RHPN2: variants seen among roughly 807,000 people sequenced by gnomAD.
RHPN2 encodes the protein rhophilin Rho GTPase binding protein 2.
Under a neutral mutation model 79.0 loss-of-function variants are expected in RHPN2, and 40 were observed. That is an observed-to-expected ratio of 0.51 (90% CI 0.39 to 0.66). RHPN2 has a LOEUF of 0.66. Ranked by LOEUF, RHPN2 falls within the 30% of genes least tolerant of loss-of-function variation. The pLI, the probability that RHPN2 is intolerant of heterozygous loss-of-function variation, is 0.00. For missense variants in RHPN2, 686 were observed against 883.5 expected (o/e 0.78, Z 2.83); for synonymous variants, 285 against 363.5 (o/e 0.78, Z 2.46).
At position 33,002,377 on chromosome 19, in the gene RHPN2, G is replaced by A. The variant is rs200381045; in HGVS notation, c.975C>T (p.His325=). The change falls in exon 9 of 15, where the codon CAC becomes CAT. Residue 325 remains histidine (H), a synonymous_variant. Transcript: ENST00000254260. ...TCACCGGCGCCTGGCTCATGGCTGC[G>A]TGTAGCTGTTGGTAGACCTCTCCCA... The part of the protein sequence containing the change: ...AKVGEVYQQL[H]AAMSQAPVKE... The A allele has an allele frequency of 1.4e-5, 22 of 1,613,928 alleles. No individual in the cohort carries two copies. Among genetic ancestry groups the A allele is most frequent in the Admixed American group, 8.3e-5 (5 of 60,004 alleles).
chr19:32,980,361 A>G (rs1971564876), intron 14 of RHPN2, 105 bp from the exon 15 acceptor site: 3 of 1,341,190 alleles, frequency 2.2e-6, no homozygotes, highest in East Asian at 2.3e-5. Context: ...TAATCCCAAC[A>G]GTTTGGGAGG....
chr19:33,029,923 C>T (rs751555474), intron 2 of RHPN2, among the ~76,000 whole-genome samples: 23 of 152,202 alleles, frequency 1.5e-4, no homozygotes, highest in Non-Finnish European at 3.1e-4. Flanking sequence ...ACGTAAAATG[C>T]CATCTACCAG....
At chr19:33,052,121 AAAAT>A (rs1972193852) in intron 1 of RHPN2, among the ~76,000 whole-genome samples, 2 of 152,150 alleles carry the variant, frequency 1.3e-5, no homozygotes, top group Admixed American at 1.3e-4. Flanking sequence ...AGTTAAAAAA[AAAAT>A]ATAAAACTGG....
At chr19:32,998,701 G>GGAGAGA (rs3991890) in intron 10 of RHPN2, among the ~76,000 whole-genome samples, 1 of 140,142 alleles carries the variant, frequency 7.1e-6, no homozygotes, top group Non-Finnish European at 1.5e-5. Context: ...TAGATGGGGA[G>GGAGAGA]GAGAGAGAGA....
At chr19:33,016,280 T>C (rs987673625) in intron 4 of RHPN2, among the ~76,000 whole-genome samples, 5 of 152,016 alleles carry the variant, frequency 3.3e-5, no homozygotes, top group East Asian at 1.9e-4. Flanking sequence ...GGCTCAATCA[T>C]AGCTGACTGC....
chr19:33,058,849 C>T (rs1972255649), intron 1 of RHPN2, among the ~76,000 whole-genome samples: 1 of 152,120 alleles, frequency 6.6e-6, no homozygotes, highest in South Asian at 2.1e-4. Context: ...ATAATCCCAG[C>T]ACTTTGGGAG....
chr19:33,062,608 A>C (rs2145277392), intron 1 of RHPN2, among the ~76,000 whole-genome samples: 1 of 151,856 alleles, frequency 6.6e-6, no homozygotes, highest in South Asian at 2.1e-4. Context: ...CGTTTCTACT[A>C]AAAATACAAA....
intron 1 of RHPN2, 97 bp downstream of exon 1, chr19:33,064,687 T>A (rs1972312154): frequency 7.6e-7 from 1 of 1,314,302 alleles, no homozygotes; most frequent in South Asian, 1.3e-5. Context: ...CCCGGCCTAG[T>A]GGACCCCGAC....
intron 2 of RHPN2, among the ~76,000 whole-genome samples, chr19:33,033,079 A>G (rs1395347743): frequency 6.6e-6 from 1 of 152,170 alleles, no homozygotes; most frequent in Non-Finnish European, 1.5e-5. Flanking sequence ...TTATAATTCA[A>G]TTATAATTCC....
intron 1 of RHPN2, among the ~76,000 whole-genome samples, chr19:33,054,891 TCTGAGTCACC>T (rs992685485): frequency 2.0e-4 from 30 of 152,320 alleles, no homozygotes; most frequent in African/African-American, 7.0e-4. Context: ...TTGTCTCTCC[TCTGAGTCACC>T]CTGAAAATTC....
At chr19:32,995,990 C>A in intron 11 of RHPN2, 36 bp downstream of exon 11, 1 of 1,609,758 alleles carries the variant, frequency 6.2e-7, no homozygotes, top group Non-Finnish European at 8.5e-7. Flanking sequence ...GCGGCACAGG[C>A]ACCCCCACAG....
At chr19:33,051,883 CG>C (rs74704908) in intron 1 of RHPN2, among the ~76,000 whole-genome samples, 57,111 of 150,700 alleles carry the variant, frequency 0.38, 13,988 homozygotes, top group African/African-American at 0.66. Context: ...TTAGCCCAGG[CG>C]TGGTGGCGTG....
At chr19:32,983,229 T>C (rs942079231) in intron 14 of RHPN2, among the ~76,000 whole-genome samples, 5 of 152,034 alleles carry the variant, frequency 3.3e-5, no homozygotes, top group African/African-American at 1.2e-4. Context: ...AAAGCCTTTC[T>C]TGGCGGGGCG....
chr19:33,033,023 T>G (rs1378207347), intron 2 of RHPN2, among the ~76,000 whole-genome samples: 1 of 152,192 alleles, frequency 6.6e-6, no homozygotes, highest in Non-Finnish European at 1.5e-5. Flanking sequence ...TGTATGAATA[T>G]GTTAAGGTAC....
intron 3 of RHPN2, among the ~76,000 whole-genome samples, chr19:33,025,205 G>A (rs1371347661): frequency 1.3e-5 from 2 of 151,558 alleles, no homozygotes; most frequent in African/African-American, 4.8e-5. Flanking sequence ...AGGCACAGTG[G>A]CTCACATCTG....
At chr19:33,001,353 A>G in intron 9 of RHPN2, among the ~76,000 whole-genome samples, 1 of 152,146 alleles carries the variant, frequency 6.6e-6, no homozygotes, top group Non-Finnish European at 1.5e-5. Flanking sequence ...CTTAGGCAAC[A>G]TAGTGAGACT....
In RHPN2 at chr19:33,026,618, G is replaced by A. The variant is rs1971970142; in HGVS notation, c.200C>T (p.Ser67Leu). The change falls in exon 3 of 15, where the codon TCA (serine) becomes TTA (leucine). Residue 67 changes from serine (S) to leucine (L), a missense_variant. Coordinates refer to ENST00000254260, the MANE Select transcript of RHPN2 (RefSeq NM_033103.5). The part of the protein sequence containing the change: ...AENLLKVATN[S>L]KVREQVRLEL... ...CAGCCGCACTTGCTCCCGCACCTTTGAGTTTGTGGCCACTCTGTTCAAAGA... is the reference window on the plus strand; with the variant it reads ...CAGCCGCACTTGCTCCCGCACCTTTAAGTTTGTGGCCACTCTGTTCAAAGA... The A allele has an allele frequency of 1.2e-6, 2 of 1,607,430 alleles. No homozygotes were observed. Among genetic ancestry groups the A allele is most frequent in the Non-Finnish European group, 1.7e-6 (2 of 1,179,286 alleles).
At chr19:33,043,750 A>C (rs1972119434) in intron 2 of RHPN2, among the ~76,000 whole-genome samples, 1 of 152,184 alleles carries the variant, frequency 6.6e-6, no homozygotes, top group Admixed American at 6.5e-5. Context: ...TAACTGTTTT[A>C]CCACGAGAGC....
In RHPN2 at chr19:33,056,017, T is replaced by G. The variant is rs1885780048; in HGVS notation, c.69+8767A>C. 2.0e-5 allele frequency among the ~76,000 whole-genome samples: 3 copies of G among 151,948 alleles called. No homozygotes were observed. The South Asian group carries it at 6.2e-4, about 31-fold the overall frequency. The stretch of plus-strand genomic sequence containing the variant: ...GTACTCACTCTCCTCTTCCACATAG[T>G]GCCAAGACCTTTCATTTTGGGCCTT... On this transcript the variant is annotated intron_variant, in intron 1 of 14. Transcript: ENST00000254260.
Sources: allele counts gnomAD v4.1 joint callset (sites outside exome capture counted in the v4.1 genomes callset), GRCh38; gene constraint gnomAD v4.1.1; transcripts MANE v1.5; gene names NCBI Gene and HGNC (gene_info 2026-07-23, HGNC 2026-07-21).